DCAF1: variants seen among roughly 807,000 people sequenced by gnomAD.
The protein encoded by DCAF1 is DDB1- and CUL4-associated factor 1.
A neutral mutation model predicts 128.0 loss-of-function variants in DCAF1; 15 were observed. The observed-to-expected ratio is 0.12, with a 90% CI of 0.08 to 0.18. The LOEUF (loss-of-function observed/expected upper bound fraction) is 0.18. Among genes scored for constraint, DCAF1 ranks in the 10% least tolerant of loss-of-function variants. The pLI, the probability that DCAF1 is intolerant of heterozygous loss-of-function variation, is 1.00. For synonymous variants in DCAF1, 610 were observed against 603.0 expected (o/e 1.01, Z -0.17); for missense variants, 988 against 1,649.5 (o/e 0.60, Z 6.95).
chr3:51,464,047 G>A (rs1180576838), intron 5 of DCAF1, among the ~76,000 whole-genome samples: 2 of 151,832 alleles, frequency 1.3e-5, no homozygotes, highest in Non-Finnish European at 2.9e-5. Context: ...TAGAGACGGG[G>A]CCTCATTATG....
At chr3:51,412,846 C>T in intron 22 of DCAF1, 147 bp downstream of exon 22, 1 of 1,248,124 alleles carries the variant, frequency 8.0e-7, no homozygotes, top group Non-Finnish European at 1.1e-6. Flanking sequence ...ATCTCCCAAG[C>T]CCCATCAAAT....
chr3:51,410,439 T>C (rs1471998837), intron 23 of DCAF1, among the ~76,000 whole-genome samples: 1 of 152,230 alleles, frequency 6.6e-6, no homozygotes, highest in African/African-American at 2.4e-5. Flanking sequence ...GGTGATGCAG[T>C]ATTCAAAGGA....
intron 23 of DCAF1, among the ~76,000 whole-genome samples, chr3:51,411,162 A>AG (rs1209791226): frequency 6.3e-5 from 9 of 143,430 alleles, no homozygotes; most frequent in African/African-American, 2.1e-4. Flanking sequence ...ACTCCATCTC[A>AG]GAAAAAAAAA....
intron 4 of DCAF1, 137 bp downstream of exon 4, chr3:51,470,792 C>T: frequency 2.0e-6 from 1 of 502,376 alleles, no homozygotes; most frequent in Non-Finnish European, 3.5e-6. Context: ...AAACTTACCA[C>T]AAAAGACGCT....
intron 3 of DCAF1, among the ~76,000 whole-genome samples, chr3:51,482,080 A>G (rs914128374): frequency 6.6e-5 from 10 of 152,170 alleles, no homozygotes; most frequent in Non-Finnish European, 1.2e-4. Flanking sequence ...TAAGTTATGA[A>G]TAAATGAGGA....
At chr3:51,403,933 C>G (rs1553625811) in intron 23 of DCAF1, among the ~76,000 whole-genome samples, 1 of 152,174 alleles carries the variant, frequency 6.6e-6, no homozygotes. Context: ...CAACAAAAGA[C>G]TTAAAATATA....
At chr3:51,459,910 A>G (rs1553643971) in intron 6 of DCAF1, among the ~76,000 whole-genome samples, 1 of 152,146 alleles carries the variant, frequency 6.6e-6, no homozygotes, top group African/African-American at 2.4e-5. Flanking sequence ...CCTATCTCAA[A>G]ATAATAAGAG....
chr3:51,418,591 G>C, intron 16 of DCAF1, 87 bp downstream of exon 16: 1 of 1,505,576 alleles, frequency 6.6e-7, no homozygotes. Context: ...AAAAGAGAGA[G>C]CTCAATAAAG....
At chr3:51,493,452 A>G (rs1485616738) in intron 2 of DCAF1, among the ~76,000 whole-genome samples, 3 of 150,974 alleles carry the variant, frequency 2.0e-5, no homozygotes, top group African/African-American at 4.9e-5. Context: ...TCTCAGGGGA[A>G]AAAAAAAAGG....
Position 51,441,023 on chromosome 3 carries a change from A to C in DCAF1, c.1075T>G (p.Tyr359Asp). 1 of 1,613,212 alleles carries C rather than the reference A, an allele frequency of 6.2e-7. No individual in the cohort carries two copies. The highest frequency in any genetic ancestry group is 8.5e-7 in the Non-Finnish European group (1 of 1,179,584). Residue 359 changes from tyrosine (Y) to aspartate (D), a missense_variant, in exon 9 of 25, where the codon TAT (tyrosine) becomes GAT (aspartate). Tyr to Asp is a radical substitution (Grantham distance 160, BLOSUM62 -3). Coordinates refer to ENST00000684031, the MANE Select transcript of DCAF1 (RefSeq NM_001387579.1). ...QLGSRELMMFYIDLKQTNDVL... is the reference protein window; with the variant it reads ...QLGSRELMMFDIDLKQTNDVL... ...TCATTAGTTTGCTTCAGGTCAATAT[A>C]GAACATCATCAGCTCCCGTGATCCA...
In DCAF1 at chr3:51,414,626, T is replaced by A; in HGVS notation, c.3835A>T (p.Ile1279Phe). The A allele has an allele frequency of 6.2e-7, 1 of 1,613,598 alleles. No homozygotes were observed. Among genetic ancestry groups the A allele is most frequent in the Non-Finnish European group, 8.5e-7 (1 of 1,179,586 alleles). The change falls in exon 19 of 25, where the codon ATT (isoleucine) becomes TTT (phenylalanine). Residue 1279 changes from isoleucine (I) to phenylalanine (F), a missense_variant and splice_region_variant. By Grantham distance (21) the Ile-to-Phe change is conservative. Transcript: ENST00000684031. ...NGLEVIINTE[I>F]WDLRTFHLLH... is the part of the protein sequence containing the mutation. ...TAAGACATGAGTATAAAGGATACAATCTCAGTATTAATGATCACCTCCAGT... is the reference window on the plus strand; with the variant it reads ...TAAGACATGAGTATAAAGGATACAAACTCAGTATTAATGATCACCTCCAGT...
At chr3:51,492,970 G>C (rs1577333120) in intron 2 of DCAF1, among the ~76,000 whole-genome samples, 1 of 151,784 alleles carries the variant, frequency 6.6e-6, no homozygotes. Flanking sequence ...CTCCATCCTG[G>C]GTGACAGAGC....
chr3:51,467,892 T>A (rs1329588464), intron 4 of DCAF1, among the ~76,000 whole-genome samples: 2 of 151,992 alleles, frequency 1.3e-5, no homozygotes, highest in Non-Finnish European at 2.9e-5. Context: ...GAAGCATGCT[T>A]CTATTGATGG....
At chr3:51,492,720 C>T (rs968119234) in intron 2 of DCAF1, among the ~76,000 whole-genome samples, 1 of 152,040 alleles carries the variant, frequency 6.6e-6, no homozygotes, top group Non-Finnish European at 1.5e-5. Context: ...TGGCCCCGGG[C>T]GCGGTGGCTC....
At chr3:51,404,129 A>T (rs976591094) in intron 23 of DCAF1, among the ~76,000 whole-genome samples, 2 of 152,256 alleles carry the variant, frequency 1.3e-5, no homozygotes, top group Middle Eastern at 3.2e-3. Context: ...CATCTGCCAC[A>T]GATTTCAGGT....
At chr3:51,437,084 G>A (rs1345018323) in intron 9 of DCAF1, among the ~76,000 whole-genome samples, 1 of 151,736 alleles carries the variant, frequency 6.6e-6, no homozygotes, top group East Asian at 1.9e-4. Flanking sequence ...CCAATATGGT[G>A]AAACCCTGTC....
intron 2 of DCAF1, among the ~76,000 whole-genome samples, chr3:51,486,347 A>G (rs1577312503): frequency 6.6e-6 from 1 of 151,544 alleles, no homozygotes; most frequent in Admixed American, 6.6e-5. Flanking sequence ...ATGTGTTGCC[A>G]TGCCCAGCTT....
At chr3:51,447,313 G>A (rs916333458) in intron 6 of DCAF1, among the ~76,000 whole-genome samples, 1 of 151,928 alleles carries the variant, frequency 6.6e-6, no homozygotes, top group African/African-American at 2.4e-5. Flanking sequence ...GGGAGGCTGA[G>A]GCATGAGAAT....
intron 24 of DCAF1, among the ~76,000 whole-genome samples, chr3:51,400,692 C>A (rs1553624553): frequency 6.6e-6 from 1 of 152,056 alleles, no homozygotes; most frequent in Admixed American, 6.5e-5. Flanking sequence ...GTTGAAGTGA[C>A]CCAATCCCAA....
Sources: allele counts gnomAD v4.1 joint callset (sites outside exome capture counted in the v4.1 genomes callset), GRCh38; gene constraint gnomAD v4.1.1; transcripts MANE v1.5; gene names NCBI Gene and HGNC (gene_info 2026-07-23, HGNC 2026-07-21).